PDXDC1: variants seen among roughly 807,000 people sequenced by gnomAD.
PDXDC1 encodes the protein pyridoxal-dependent decarboxylase domain-containing protein 1.
In PDXDC1, 42 loss-of-function variants were observed where a neutral mutation model predicts 100.1. The observed-to-expected ratio is 0.42, with a 90% CI of 0.33 to 0.54. The LOEUF is 0.54. Among genes scored for constraint, PDXDC1 ranks in the 20% least tolerant of loss-of-function variants. The probability of loss-of-function intolerance (pLI) is 0.10; values close to 1 mark genes in which losing one functional copy is unlikely to be tolerated. For synonymous variants in PDXDC1, 260 were observed against 371.7 expected (o/e 0.70, Z 3.46); for missense variants, 636 against 979.2 (o/e 0.65, Z 4.68).
In PDXDC1 at chr16:15,028,836, C is replaced by T. The variant is rs538426349; in HGVS notation, c.1205-42C>T. Reference sequence around the variant, plus strand: ...TTGGAGGGTGTTTTTTTTGGTCAGCCGTGTTTCTGGGAGTGACTCCCTTTC... The same window carrying T: ...TTGGAGGGTGTTTTTTTTGGTCAGCTGTGTTTCTGGGAGTGACTCCCTTTC... On this transcript the variant is annotated intron_variant, in intron 14 of 22. Transcript: ENST00000396410. 3.8e-5 allele frequency: 60 copies of T among 1,593,796 alleles called. No individual in the cohort carries two copies. In the East Asian group the frequency reaches 5.5e-4, roughly 15 times the overall value.
intron 16 of PDXDC1, among the ~76,000 whole-genome samples, chr16:15,087,247 T>C (rs1262651269): frequency 6.6e-6 from 1 of 152,206 alleles, no homozygotes; most frequent in African/African-American, 2.4e-5. Context: ...AGTTATCATT[T>C]AGTGAGAATA....
the PDXDC1 span, among the ~76,000 whole-genome samples, chr16:15,144,837 G>A: frequency 6.6e-6 from 1 of 152,196 alleles, no homozygotes; most frequent in Non-Finnish European, 1.5e-5. Context: ...GCCGTTTGGA[G>A]ACAAGCCCAC....
At chr16:15,148,164 C>T in the PDXDC1 span, among the ~76,000 whole-genome samples, 5 of 151,304 alleles carry the variant, frequency 3.3e-5, no homozygotes, top group East Asian at 2.0e-4. Flanking sequence ...ATTGGTCTCG[C>T]TATGTTGCCC....
At position 14,975,089 on chromosome 16, in the gene PDXDC1, G is replaced by T; in HGVS notation, c.-111G>T. The T allele has an allele frequency of 1.4e-6, 2 of 1,470,700 alleles. No homozygotes were observed. Among genetic ancestry groups the T allele is most frequent in the South Asian group, 2.8e-5 (2 of 71,644 alleles). 91.1% of individuals were successfully genotyped at this position (1,470,700 alleles called of 1,614,324 possible). ...GGCAGCTCCTCCTCTTCTCCGCCCC[G>T]CCGGCCGCGGGCGCGGGGGACGTCA... On this transcript the variant is annotated 5_prime_UTR_variant, in exon 1 of 23. Transcript: ENST00000396410.
At chr16:15,059,735 T>C (rs1157456673) in intron 16 of PDXDC1, among the ~76,000 whole-genome samples, 2 of 152,176 alleles carry the variant, frequency 1.3e-5, no homozygotes, top group Non-Finnish European at 2.9e-5. Context: ...TCACAGTATT[T>C]TTCCCCATAG....
intron 21 of PDXDC1, among the ~76,000 whole-genome samples, chr16:15,035,050 G>A (rs544464124): frequency 6.6e-6 from 1 of 152,278 alleles, no homozygotes; most frequent in East Asian, 1.9e-4. Flanking sequence ...TTCTACCAAG[G>A]AAATAATTTC....
Position 15,054,803 on chromosome 16 carries a change from G to A in PDXDC1, c.1399+24747G>A, listed in dbSNP as rs2044437609. Among the ~76,000 whole-genome samples the A allele has an allele frequency of 2.0e-5, 3 of 152,176 alleles. No homozygotes were observed. In the South Asian group the frequency reaches 6.2e-4, roughly 31 times the overall value. On this transcript the variant is annotated intron_variant, in intron 16 of 16. Transcript: ENST00000535621. ...AGGACACTACTCTTATCTGCCTTCAGGAGGCTTACATTCTGGCGACAGACC... is the reference window on the plus strand; with the variant it reads ...AGGACACTACTCTTATCTGCCTTCAAGAGGCTTACATTCTGGCGACAGACC...
the PDXDC1 span, among the ~76,000 whole-genome samples, chr16:15,144,440 C>T: frequency 6.6e-6 from 1 of 152,124 alleles, no homozygotes; most frequent in Non-Finnish European, 1.5e-5. Context: ...CTCCGCCTAC[C>T]ACTTCCATGG....
At chr16:15,133,466 G>A in intron 16 of PDXDC1, 2 of 867,874 alleles carry the variant, frequency 2.3e-6, no homozygotes, top group Non-Finnish European at 3.7e-6. Flanking sequence ...AGTCTCGGGG[G>A]CGCCCTCCCA....
At chr16:15,009,904 T>TAGTA (rs1371482255) in intron 8 of PDXDC1, 145 bp downstream of exon 8, 1 of 1,468,174 alleles carries the variant, frequency 6.8e-7, no homozygotes, top group African/African-American at 1.4e-5. Flanking sequence ...AAAACTGTAA[T>TAGTA]AGTAAGGTTG....
At chr16:15,016,616 C>T (rs1384625353) in intron 9 of PDXDC1, among the ~76,000 whole-genome samples, 1 of 152,286 alleles carries the variant, frequency 6.6e-6, no homozygotes, top group Non-Finnish European at 1.5e-5. Context: ...CCACTGTGGC[C>T]AGGGAGAAGT....
intron 16 of PDXDC1, chr16:15,125,799 C>A (rs566808913): frequency 1.3e-5 from 17 of 1,310,668 alleles, no homozygotes; most frequent in Admixed American, 7.2e-5. Context: ...GGCTCGGGCT[C>A]CCAGCCACCT....
At position 15,052,837 on chromosome 16, in the gene PDXDC1, T is replaced by A. The variant is rs192581522; in HGVS notation, c.1399+22781T>A. ...AAGGCTCTGTCTCTCAAAAAAAAAATAAATAAATAAATAATAAAAGCAGGA... is the reference window on the plus strand; with the variant it reads ...AAGGCTCTGTCTCTCAAAAAAAAAAAAAATAAATAAATAATAAAAGCAGGA... On this transcript the variant is annotated intron_variant, in intron 16 of 16. Transcript: ENST00000535621. Among the ~76,000 whole-genome samples the A allele has an allele frequency of 9.7e-3, 1,467 of 151,392 alleles. 12 individuals carry two copies. The highest frequency in any genetic ancestry group is 0.024 in the Middle Eastern group (7 of 294).
chr16:15,150,102 T>C, the PDXDC1 span, among the ~76,000 whole-genome samples: 27 of 151,636 alleles, frequency 1.8e-4, no homozygotes, highest in Non-Finnish European at 2.4e-4. Flanking sequence ...CCCAGCACTT[T>C]GGGAGGCTGA....
intron 16 of PDXDC1, chr16:15,044,450 C>T (rs373387560): frequency 1.1e-5 from 14 of 1,257,090 alleles, no homozygotes; most frequent in Middle Eastern, 1.9e-4. Context: ...AAGAAGACAC[C>T]GGTGCGTGCG....
At chr16:14,987,707 G>T (rs1969703566) in intron 1 of PDXDC1, among the ~76,000 whole-genome samples, 1 of 152,404 alleles carries the variant, frequency 6.6e-6, no homozygotes, top group Non-Finnish European at 1.5e-5. Flanking sequence ...CGCCTCCCAG[G>T]TTCAAGCAGT....
intron 8 of PDXDC1, among the ~76,000 whole-genome samples, chr16:15,011,638 T>TC (rs1252919612): frequency 9.3e-5 from 10 of 107,272 alleles, no homozygotes; most frequent in Non-Finnish European, 1.9e-4. Flanking sequence ...TTTCTTTTTT[T>TC]TTTTTTTTTT....
intron 16 of PDXDC1, among the ~76,000 whole-genome samples, chr16:15,096,880 G>T (rs1387407445): frequency 6.6e-6 from 1 of 152,042 alleles, no homozygotes; most frequent in African/African-American, 2.4e-5. Context: ...TGTTGCCCAG[G>T]CTGGTCTTGA....
chr16:15,045,772 CCT>C (rs1178974491), intron 16 of PDXDC1: 1 of 152,248 alleles, frequency 6.6e-6, no homozygotes, highest in Non-Finnish European at 1.5e-5. Flanking sequence ...CTACTAACCC[CCT>C]TTTCCACAGC....
Sources: gnomAD v4.1 joint callset for allele counts (sites outside exome capture counted in the v4.1 genomes callset) on GRCh38, gnomAD v4.1.1 for gene constraint, MANE v1.5 for transcripts, NCBI Gene and HGNC (gene_info 2026-07-23, HGNC 2026-07-21) for gene names.